Variants in ARPP19 observed in about 807,000 individuals in gnomAD.
ARPP19 encodes cAMP-regulated phosphoprotein 19.
A neutral mutation model predicts 12.0 loss-of-function variants in ARPP19; 8 were observed. The ratio of observed to expected loss-of-function variants is 0.67; its 90% CI spans 0.39 to 1.21. The LOEUF (loss-of-function observed/expected upper bound fraction) is 1.21. Among genes scored for constraint, ARPP19 ranks in the 50% most tolerant of loss-of-function variants. The pLI is 0.01. For missense variants in ARPP19, 102 were observed against 136.3 expected, an observed-to-expected ratio of 0.75 and a Z score of 1.25; for synonymous variants, 47 against 50.4, an observed-to-expected ratio of 0.93 and a Z score of 0.29.
intron 1 of ARPP19, 95 bp from the exon 2 acceptor site, chr15:52,557,317 A>T: frequency 1.0e-6 from 1 of 979,604 alleles, no homozygotes; most frequent in East Asian, 2.6e-5. Context: ...CTAGTTGTTA[A>T]ATGCCAAGTA....
At chr15:52,565,910 AGTGGCACG>A (rs1461536326) in intron 1 of ARPP19, among the ~76,000 whole-genome samples, 3 of 152,176 alleles carry the variant, frequency 2.0e-5, no homozygotes, top group African/African-American at 7.2e-5. Flanking sequence ...GCTAGAGTGC[AGTGGCACG>A]ATCTCGGCTA....
chr15:52,547,459 G>A lies in ARPP19; in HGVS notation c.*4475C>T, dbSNP rs1331899488. The stretch of plus-strand genomic sequence containing the variant: ...GCTAGTGATGCAGTAACAGATCCAA[G>A]GGCATAATATTAAATATGTTTTTTT... On this transcript the variant is annotated 3_prime_UTR_variant, in exon 3 of 3. Coordinates refer to ENST00000249822, the MANE Select transcript of ARPP19 (RefSeq NM_006628.6). 6.6e-6 allele frequency: 1 copy of A among 152,098 alleles called. No homozygotes were observed. The highest frequency in any genetic ancestry group is 1.5e-5 in the Non-Finnish European group (1 of 68,024). The allele number at this position is 152,098 out of a possible 1,614,324, so 9.4% of individuals were successfully genotyped here.
At chr15:52,565,226 T>C (rs935876203) in intron 1 of ARPP19, among the ~76,000 whole-genome samples, 1 of 152,010 alleles carries the variant, frequency 6.6e-6, no homozygotes, top group African/African-American at 2.4e-5. Flanking sequence ...GGTTTTGCTA[T>C]GTTGCCCAGG....
intron 1 of ARPP19, among the ~76,000 whole-genome samples, chr15:52,563,243 T>C (rs1222328152): frequency 6.6e-6 from 1 of 152,198 alleles, no homozygotes. Context: ...ACAGCAATTT[T>C]ACTACATTTT....
intron 1 of ARPP19, among the ~76,000 whole-genome samples, chr15:52,558,470 G>GAAA (rs143549178): frequency 3.1e-5 from 2 of 63,912 alleles, no homozygotes; most frequent in African/African-American, 5.3e-5. Context: ...AAACAAAACA[G>GAAA]AAAAAAAAAA....
intron 1 of ARPP19, among the ~76,000 whole-genome samples, chr15:52,561,601 A>G (rs1391740367): frequency 2.6e-5 from 4 of 152,146 alleles, no homozygotes; most frequent in Non-Finnish European, 5.9e-5. Flanking sequence ...AGGGGAACCA[A>G]TTAAATAGCA....
At chr15:52,552,422 A>C (rs546205810) in intron 2 of ARPP19, among the ~76,000 whole-genome samples, 24 of 151,894 alleles carry the variant, frequency 1.6e-4, no homozygotes, top group African/African-American at 4.8e-4. Flanking sequence ...AAAAACAAAA[A>C]AAACAAAAAA....
At chr15:52,564,192 C>G in intron 1 of ARPP19, 1 of 1,531,942 alleles carries the variant, frequency 6.5e-7, no homozygotes, top group Non-Finnish European at 8.7e-7. Context: ...AGGTTTACCT[C>G]TAGGCTGTTA....
intron 1 of ARPP19, chr15:52,557,682 G>C (rs2077993457): frequency 1.3e-5 from 2 of 151,774 alleles, no homozygotes; most frequent in African/African-American, 4.8e-5. Flanking sequence ...CTACTTATCA[G>C]TACATTTTTC....
intron 1 of ARPP19, among the ~76,000 whole-genome samples, chr15:52,559,059 T>C (rs2078008955): frequency 6.6e-6 from 1 of 152,248 alleles, no homozygotes; most frequent in East Asian, 1.9e-4. Flanking sequence ...CTTCTCATTT[T>C]CAGTCTCGGA....
At position 52,549,121 on chromosome 15, in the gene ARPP19, T is replaced by C. The variant is rs1480397094; in HGVS notation, c.*2813A>G. ...ACTGTTCTATCAAATGTAGTAGCTA[T>C]TGGACATAAAACAAGTAATTTATTT... On this transcript the variant is annotated 3_prime_UTR_variant, in exon 3 of 3. Transcript: ENST00000249822. 3 of 152,256 alleles carry C rather than the reference T, an allele frequency of 2.0e-5. No individual in the cohort carries two copies. Among genetic ancestry groups the C allele is most frequent in the Admixed American group, 6.5e-5 (1 of 15,284 alleles). 9.4% of individuals were successfully genotyped at this position (152,256 alleles called of 1,614,324 possible).
Position 52,547,508 on chromosome 15 carries a change from T to G in ARPP19, c.*4426A>C, listed in dbSNP as rs1264309022. ...TTCCAACTGCGATTTAGTTGAAAAA[T>G]AACATAATACAAACATATATTAATG... On this transcript the variant is annotated 3_prime_UTR_variant, in exon 3 of 3. Transcript: ENST00000249822. 1 of 152,134 alleles carries G rather than the reference T, an allele frequency of 6.6e-6. No homozygotes were observed. Among genetic ancestry groups the G allele is most frequent in the Non-Finnish European group, 1.5e-5 (1 of 68,020 alleles). 9.4% of individuals were successfully genotyped at this position (152,134 alleles called of 1,614,324 possible).
In ARPP19 at chr15:52,564,177, T is replaced by G. The variant is rs776084778; in HGVS notation, c.45+4671A>C. ...GGCTAAGAGAAACATTTAAAAACTT[T>G]TCTGAGGTTTACCTCTAGGCTGTTA... On this transcript the variant is annotated intron_variant, in intron 1 of 2. Transcript: ENST00000249822. The G allele has an allele frequency of 5.2e-6, 8 of 1,524,078 alleles. No individual in the cohort carries two copies. The South Asian group carries it at 9.5e-5, about 18-fold the overall frequency. 94.4% of individuals were successfully genotyped at this position (1,524,078 alleles called of 1,614,324 possible).
At chr15:52,558,843 A>G (rs1026564689) in intron 1 of ARPP19, among the ~76,000 whole-genome samples, 8 of 150,282 alleles carry the variant, frequency 5.3e-5, no homozygotes, top group African/African-American at 9.9e-5. Context: ...CACGGGGGGG[A>G]AAAAATTACA....
In ARPP19 at chr15:52,558,905, C is replaced by CGATAG. The variant is rs535484682; in HGVS notation, c.46-1684_46-1683insCTATC. On this transcript the variant is annotated intron_variant, in intron 1 of 2. Transcript: ENST00000249822. ...CTTGAACTCCTGGCCTCAAAGCTAT[C>CGATAG]CTCTCACCTCAGCCTCCCAATGTGC... Among the ~76,000 whole-genome samples, 96 of 152,180 alleles carry CGATAG rather than the reference C, an allele frequency of 6.3e-4. 1 individual carries two copies. In the East Asian group the frequency reaches 0.017, roughly 27 times the overall value.
In ARPP19 at chr15:52,547,770, A is replaced by C. The variant is rs2077891434; in HGVS notation, c.*4164T>G. 1 of 152,210 alleles carries C rather than the reference A, an allele frequency of 6.6e-6. No individual in the cohort carries two copies. The allele number at this position is 152,210 out of a possible 1,614,324, so 9.4% of individuals were successfully genotyped here. A position where few individuals can be genotyped will look rare whatever the true frequency, so the allele number is the denominator to read the frequency against. On this transcript the variant is annotated 3_prime_UTR_variant, in exon 3 of 3. Transcript: ENST00000249822. ...TTGGGAATGTGGCTCAAATTAGTCA[A>C]TATTGATTAGGATATTGTTTTAGAA...
intron 2 of ARPP19, 76 bp from the exon 3 acceptor site, chr15:52,552,180 T>G: frequency 1.2e-6 from 1 of 809,974 alleles, no homozygotes; most frequent in Non-Finnish European, 2.1e-6. Context: ...AACCCCATAC[T>G]GTCCGTATAA....
Position 52,566,801 on chromosome 15 carries a change from C to A in ARPP19, c.45+2047G>T, listed in dbSNP as rs566679880. 2.7e-5 allele frequency among the ~76,000 whole-genome samples: 4 copies of A among 149,302 alleles called. No homozygotes were observed. In the East Asian group the frequency reaches 7.7e-4, roughly 29 times the overall value. ...TTTATACTTATTTTTTATGTTTGTA[C>A]ATATTGTTTCCTAATACAAGACAGG... On this transcript the variant is annotated intron_variant, in intron 1 of 2. Transcript: ENST00000249822.
intron 2 of ARPP19, 27 bp downstream of exon 2, chr15:52,557,073 A>G (rs1314371401): frequency 6.2e-7 from 1 of 1,608,968 alleles, no homozygotes; most frequent in Non-Finnish European, 8.5e-7. Flanking sequence ...GGGCTTAAGT[A>G]TTTGGAAATT....
Sources: gnomAD v4.1 joint callset for allele counts (sites outside exome capture counted in the v4.1 genomes callset) on GRCh38, gnomAD v4.1.1 for gene constraint, MANE v1.5 for transcripts, NCBI Gene and HGNC (gene_info 2026-07-23, HGNC 2026-07-21) for gene names.